The following STAT1 variants were observed in gnomAD, a reference collection of about 807,000 sequenced individuals.
The protein encoded by STAT1 is signal transducer and activator of transcription 1-alpha/beta.
A neutral mutation model predicts 111.7 loss-of-function variants in STAT1; 24 were observed. The ratio of observed to expected loss-of-function variants is 0.21; its 90% confidence interval spans 0.16 to 0.30. The LOEUF is 0.30. Ranked by LOEUF, STAT1 falls within the 10% of genes least tolerant of loss-of-function variation. STAT1 has a pLI of 1.00. For synonymous variants in STAT1, 332 were observed against 326.5 expected, an observed-to-expected ratio of 1.02 and a Z score of -0.18; for missense variants, 351 against 911.9, an observed-to-expected ratio of 0.38 and a Z score of 7.92.
At position 190,993,608 on chromosome 2, in the gene STAT1, C is replaced by G. The variant is rs1015189822; in HGVS notation, c.944+1453G>C. The G allele has an allele frequency of 1.2e-5, 7 of 583,940 alleles. No homozygotes were observed. The highest frequency in any genetic ancestry group is 2.0e-5 in the Non-Finnish European group (6 of 299,520). The allele number at this position is 583,940 out of a possible 1,614,324, so 36.2% of individuals were successfully genotyped here. ...ACCGCTGCCACGGCCACCCTTGCTGCTACAGCTGCTGCCCTGACTCTCTGC... is the reference window on the plus strand; with the variant it reads ...ACCGCTGCCACGGCCACCCTTGCTGGTACAGCTGCTGCCCTGACTCTCTGC... On this transcript the variant is annotated intron_variant, in intron 10 of 24. Coordinates refer to ENST00000361099, the MANE Select transcript of STAT1 (RefSeq NM_007315.4). The surrounding 1 kb of genome is among the most constrained non-coding windows in gnomAD (Gnocchi z 4.1).
chr2:190,993,379 T>A lies in STAT1; in HGVS notation c.944+1682A>T, dbSNP rs1319116225. 1 of 1,291,916 alleles carries A rather than the reference T, an allele frequency of 7.7e-7. No homozygotes were observed. The highest frequency in any genetic ancestry group is 1.1e-6 in the Non-Finnish European group (1 of 909,122). 80.0% of individuals were successfully genotyped at this position (1,291,916 alleles called of 1,614,324 possible). A position where few individuals can be genotyped will look rare whatever the true frequency, so the allele number is the denominator to read the frequency against. On this transcript the variant is annotated intron_variant, in intron 10 of 24. Transcript: ENST00000361099. The surrounding 1 kb of genome is among the most constrained non-coding windows in gnomAD (Gnocchi z 4.1). Reference sequence around the variant, plus strand: ...TTTCCTGTTCTGCTGTGTTCCATATTTGAAGCTTGATTGTTTTCCCGTCTA... The same window carrying A: ...TTTCCTGTTCTGCTGTGTTCCATATATGAAGCTTGATTGTTTTCCCGTCTA...
In STAT1 at chr2:190,982,299, A is replaced by C. The variant is rs1267908778; in HGVS notation, c.1582+84T>G. The stretch of plus-strand genomic sequence containing the variant: ...TTTAGTACTTTTTTACCTTTAACAA[A>C]ATAGCAGAGGGGAAAAGAGCAATTA... On this transcript the variant is annotated intron_variant, in intron 18 of 24. Transcript: ENST00000361099. This position sits in a 1 kb window ranked among gnomAD's most constrained non-coding sequence, Gnocchi z 7.3. 4 of 1,536,326 alleles carry C rather than the reference A, an allele frequency of 2.6e-6. No homozygotes were observed. The highest frequency in any genetic ancestry group is 1.4e-5 in the African/African-American group (1 of 73,050).
At position 190,969,630 on chromosome 2, in the gene STAT1, T is replaced by C. The variant is rs1691302485; in HGVS notation, c.*1073A>G. The stretch of plus-strand genomic sequence containing the variant: ...CATTCGCAAATGTGAAAAACACATA[T>C]ATCAGCGAAACATATGCAGTTCTCA... On this transcript the variant is annotated 3_prime_UTR_variant, in exon 25 of 25. Transcript: ENST00000361099. 1 of 152,212 alleles carries C rather than the reference T, an allele frequency of 6.6e-6. No homozygotes were observed. The highest frequency in any genetic ancestry group is 1.5e-5 in the Non-Finnish European group (1 of 68,010). 9.4% of individuals were successfully genotyped at this position (152,212 alleles called of 1,614,324 possible). A position where few individuals can be genotyped will look rare whatever the true frequency, so the allele number is the denominator to read the frequency against.
Position 190,984,091 on chromosome 2 carries a change from G to A in STAT1, c.1347+219C>T, listed in dbSNP as rs935674976. On this transcript the variant is annotated intron_variant, in intron 16 of 24. Coordinates refer to ENST00000361099, the MANE Select transcript of STAT1 (RefSeq NM_007315.4). This position sits in a 1 kb window ranked among gnomAD's most constrained non-coding sequence, Gnocchi z 5.2. ...GTAAAAAAAAAAAATTAACATCAGC[G>A]ATCTCAACTGGAACTTTTAAGTTAT... Among the ~76,000 whole-genome samples, 13 of 151,648 alleles carry A rather than the reference G, an allele frequency of 8.6e-5. No homozygotes were observed. Among genetic ancestry groups the A allele is most frequent in the Admixed American group, 5.2e-4 (8 of 15,248 alleles).
In STAT1 at chr2:190,977,413, CTT is replaced by C. The variant is rs1172954359; in HGVS notation, c.1874-390_1874-389del. Among the ~76,000 whole-genome samples, 1 of 152,172 alleles carries C rather than the reference CTT, an allele frequency of 6.6e-6. No homozygotes were observed. The highest frequency in any genetic ancestry group is 1.5e-5 in the Non-Finnish European group (1 of 68,026). On this transcript the variant is annotated intron_variant, in intron 21 of 24. Coordinates refer to ENST00000361099, the MANE Select transcript of STAT1 (RefSeq NM_007315.4). The surrounding 1 kb of genome is among the most constrained non-coding windows in gnomAD (Gnocchi z 4.7). The stretch of plus-strand genomic sequence containing the variant: ...ATTTAAATTACTAGAGATAAACTCA[CTT>C]TGTTTTTCTTTTCATATTGAAAAAT...
Position 190,997,918 on chromosome 2 carries a change from C to T in STAT1, c.723G>A (p.Arg241=). 1.2e-6 allele frequency: 2 copies of T among 1,614,226 alleles called. No homozygotes were observed. Among genetic ancestry groups the T allele is most frequent in the Non-Finnish European group, 1.7e-6 (2 of 1,180,058 alleles). ...CCCCAATACAGGCGCTCTGCTGTCTCCGCTTCCACTCCACTAGTTCATCAT... is the reference window on the plus strand; with the variant it reads ...CCCCAATACAGGCGCTCTGCTGTCTTCGCTTCCACTCCACTAGTTCATCAT... ...LINDELVEWK[R]RQQSACIGGP... is the part of the protein sequence containing the mutation. The change falls in exon 9 of 25, where the codon CGG becomes CGA. Residue 241 remains arginine (R), a synonymous_variant. Coordinates refer to ENST00000361099, the MANE Select transcript of STAT1 (RefSeq NM_007315.4). This position sits in a 1 kb window ranked among gnomAD's most constrained non-coding sequence, Gnocchi z 7.3.
Position 190,973,906 on chromosome 2 carries a change from C to T in STAT1, c.2238+924G>A, listed in dbSNP as rs964570610. ...TACTGAGGCCTTATCATCGCATTCCCCAAATGTCTGAAGAGTGACGCCCTC... is the reference window on the plus strand; with the variant it reads ...TACTGAGGCCTTATCATCGCATTCCTCAAATGTCTGAAGAGTGACGCCCTC... On this transcript the variant is annotated intron_variant, in intron 24 of 24. Coordinates refer to ENST00000361099, the MANE Select transcript of STAT1 (RefSeq NM_007315.4). The surrounding 1 kb of genome is among the most constrained non-coding windows in gnomAD (Gnocchi z 4.4). 6.6e-6 allele frequency among the ~76,000 whole-genome samples: 1 copy of T among 152,148 alleles called. No individual in the cohort carries two copies. The highest frequency in any genetic ancestry group is 1.5e-5 in the Non-Finnish European group (1 of 68,022).
At chr2:190,985,972 G>A (rs941742087) in intron 14 of STAT1, among the ~76,000 whole-genome samples, 2 of 152,114 alleles carry the variant, frequency 1.3e-5, no homozygotes, top group African/African-American at 2.4e-5. Context: ...CCTGAGGCTC[G>A]GGACAGCTTC....
In STAT1 at chr2:190,976,729, C is replaced by T; in HGVS notation, c.2059+111G>A. 3 of 922,366 alleles carry T rather than the reference C, an allele frequency of 3.3e-6. No individual in the cohort carries two copies. Among genetic ancestry groups the T allele is most frequent in the Non-Finnish European group, 5.3e-6 (3 of 565,726 alleles). 57.1% of individuals were successfully genotyped at this position (922,366 alleles called of 1,614,324 possible). ...TGAGTTTATGCCATCTTTTGAAAGC[C>T]TACTCTTACCAATTCGAAAGCAAAA... On this transcript the variant is annotated intron_variant, in intron 22 of 24. Coordinates refer to ENST00000361099, the MANE Select transcript of STAT1 (RefSeq NM_007315.4). This position sits in a 1 kb window ranked among gnomAD's most constrained non-coding sequence, Gnocchi z 6.0.
chr2:191,009,997 G>A lies in STAT1; in HGVS notation c.7C>T (p.Gln3Ter), dbSNP rs1258563739. 1 of 1,613,818 alleles carries A rather than the reference G, an allele frequency of 6.2e-7. No homozygotes were observed. The highest frequency in any genetic ancestry group is 8.5e-7 in the Non-Finnish European group (1 of 1,179,902). Reference sequence around the variant, plus strand: ...TCAAGCTGCTGAAGTTCGTACCACTGAGACATCCTATAGGGAAAAAGAATA... The same window carrying A: ...TCAAGCTGCTGAAGTTCGTACCACTAAGACATCCTATAGGGAAAAAGAATA... MS[Q>*]WYELQQLDSK... Residue 3 changes from glutamine to a stop codon, truncating the protein, a stop_gained, in exon 3 of 25, where the codon CAG becomes TAG. Coordinates refer to ENST00000361099, the MANE Select transcript of STAT1 (RefSeq NM_007315.4). LOFTEE classifies it high-confidence loss of function.
chr2:190,971,473 G>C lies in STAT1; in HGVS notation c.2239-756C>G, dbSNP rs1223042242. ...TGAACCTCCTACGAAGCACAGGAAA[G>C]CTCCCCACCCCACCAATCCCCAACA... On this transcript the variant is annotated intron_variant, in intron 24 of 24. Coordinates refer to ENST00000361099, the MANE Select transcript of STAT1 (RefSeq NM_007315.4). This position sits in a 1 kb window ranked among gnomAD's most constrained non-coding sequence, Gnocchi z 4.1. Among the ~76,000 whole-genome samples, 1 of 152,036 alleles carries C rather than the reference G, an allele frequency of 6.6e-6. No homozygotes were observed. The highest frequency in any genetic ancestry group is 1.5e-5 in the Non-Finnish European group (1 of 68,002).
At chr2:191,009,598 T>C (rs1694975751) in intron 3 of STAT1, among the ~76,000 whole-genome samples, 1 of 152,224 alleles carries the variant, frequency 6.6e-6, no homozygotes, top group South Asian at 2.1e-4. Flanking sequence ...GGTGTCAGTA[T>C]TCCGTAACTT....
rs547281297 is a variant in STAT1 at position 190,996,033 on chromosome 2, G to A, written c.786-814C>T. On this transcript the variant is annotated intron_variant, in intron 9 of 24. Transcript: ENST00000361099. This position sits in a 1 kb window ranked among gnomAD's most constrained non-coding sequence, Gnocchi z 4.5. The stretch of plus-strand genomic sequence containing the variant: ...TCTCGGCAGGACCAGTCAGAGATGT[G>A]GGGCAGAGGGGCAGGAGGAGAGACA... 6.6e-6 allele frequency among the ~76,000 whole-genome samples: 1 copy of A among 152,252 alleles called. No homozygotes were observed. Among genetic ancestry groups the A allele is most frequent in the South Asian group, 2.1e-4 (1 of 4,824 alleles).
At position 190,986,982 on chromosome 2, in the gene STAT1, T is replaced by C. The variant is rs1317844408; in HGVS notation, c.1128-35A>G. The C allele has an allele frequency of 6.2e-7, 1 of 1,611,864 alleles. No individual in the cohort carries two copies. The highest frequency in any genetic ancestry group is 1.1e-5 in the South Asian group (1 of 91,016). ...ATAGGAAAGAAATGCTGAAAAGTCT[T>C]CCAACTATTAAATAAATAAAAATAT... On this transcript the variant is annotated intron_variant, in intron 13 of 24. Coordinates refer to ENST00000361099, the MANE Select transcript of STAT1 (RefSeq NM_007315.4). The surrounding 1 kb of genome is among the most constrained non-coding windows in gnomAD (Gnocchi z 5.0).
Position 190,997,780 on chromosome 2 carries a change from C to A in STAT1, c.785+76G>T, listed in dbSNP as rs1161149245. ...GTTTTGACAGGGTCCATTCAACTAACACAGCTCAAAGGTACATTTATGTGT... is the reference window on the plus strand; with the variant it reads ...GTTTTGACAGGGTCCATTCAACTAAAACAGCTCAAAGGTACATTTATGTGT... On this transcript the variant is annotated intron_variant, in intron 9 of 24. Coordinates refer to ENST00000361099, the MANE Select transcript of STAT1 (RefSeq NM_007315.4). This position sits in a 1 kb window ranked among gnomAD's most constrained non-coding sequence, Gnocchi z 7.3. 16 of 1,604,554 alleles carry A rather than the reference C, an allele frequency of 1.0e-5. No individual in the cohort carries two copies. The East Asian group carries it at 3.6e-4, about 36-fold the overall frequency.
intron 10 of STAT1, among the ~76,000 whole-genome samples, chr2:190,991,975 A>G (rs1262662731): frequency 1.3e-5 from 2 of 152,262 alleles, no homozygotes; most frequent in Non-Finnish European, 2.9e-5. Flanking sequence ...AAAAAACCCA[A>G]CATACAGGAC....
In STAT1 at chr2:190,969,687, G is replaced by A. The variant is rs1425906541; in HGVS notation, c.*1016C>T. 4 of 152,188 alleles carry A rather than the reference G, an allele frequency of 2.6e-5. No homozygotes were observed. The highest frequency in any genetic ancestry group is 5.9e-5 in the Non-Finnish European group (4 of 68,004). 9.4% of individuals were successfully genotyped at this position (152,188 alleles called of 1,614,324 possible). On this transcript the variant is annotated 3_prime_UTR_variant, in exon 25 of 25. Coordinates refer to ENST00000361099, the MANE Select transcript of STAT1 (RefSeq NM_007315.4). The stretch of plus-strand genomic sequence containing the variant: ...TTACATAGGAAATGAGTTTTGAAAT[G>A]ATCTGATTCTCATATTATCTCTGGT...
At position 190,977,274 on chromosome 2, in the gene STAT1, C is replaced by T. The variant is rs1406634899; in HGVS notation, c.1874-249G>A. On this transcript the variant is annotated intron_variant, in intron 21 of 24. Coordinates refer to ENST00000361099, the MANE Select transcript of STAT1 (RefSeq NM_007315.4). This position sits in a 1 kb window ranked among gnomAD's most constrained non-coding sequence, Gnocchi z 4.7. ...CCATTATTTGCTTAGATTTATAAAT[C>T]TGGGCAAAAAAGATTTATTAAAAAC... Among the ~76,000 whole-genome samples, 1 of 152,082 alleles carries T rather than the reference C, an allele frequency of 6.6e-6. No homozygotes were observed. The highest frequency in any genetic ancestry group is 2.4e-5 in the African/African-American group (1 of 41,406).
chr2:191,010,426 AGGATTC>A (rs1695034615), intron 2 of STAT1: 1 of 470,178 alleles, frequency 2.1e-6, no homozygotes, highest in Non-Finnish European at 4.4e-6. Flanking sequence ...ATGTTGGTGG[AGGATTC>A]TGTGCACTGG....
Sources: gnomAD v4.1 joint callset for allele counts (sites outside exome capture counted in the v4.1 genomes callset) on GRCh38, gnomAD v4.1.1 for gene constraint, Gnocchi (gnomAD v3.1) non-coding constraint, MANE v1.5 for transcripts, NCBI Gene and HGNC (gene_info 2026-07-23, HGNC 2026-07-21) for gene names.